The following CRYL1 variants were observed in gnomAD, a reference collection of about 807,000 sequenced individuals.
CRYL1 encodes the protein crystallin lambda 1.
CRYL1 carries 29 observed loss-of-function variants against 36.6 expected under a neutral mutation model. That is an observed-to-expected ratio of 0.79 (90% CI 0.59 to 1.08). The LOEUF (loss-of-function observed/expected upper bound fraction) is 1.08, where lower values mean the gene tolerates loss of function less well. Ranked by LOEUF, CRYL1 falls within the 50% of genes least tolerant of loss-of-function variation. CRYL1 has a pLI of 0.00. For synonymous variants in CRYL1, 152 were observed against 151.5 expected (o/e 1.00, Z -0.02); for missense variants, 411 against 407.9 (o/e 1.01, Z -0.06).
Position 20,519,550 on chromosome 13 carries a change from C to G in CRYL1, c.41+6204G>C, listed in dbSNP as rs1175725419. Among the ~76,000 whole-genome samples the G allele has an allele frequency of 2.1e-5, 3 of 141,958 alleles. No homozygotes were observed. The East Asian group carries it at 7.4e-4, about 35-fold the overall frequency. The allele number at this position is 141,958 out of a possible 152,430, so 93.1% of individuals were successfully genotyped here. On this transcript the variant is annotated intron_variant, in intron 1 of 7. Transcript: ENST00000298248. Reference sequence around the variant, plus strand: ...GGCTGAAGTAGGTACATGGCTTGCACCCAGGAGTTCAAGACCAGCCTGGGC... The same window carrying G: ...GGCTGAAGTAGGTACATGGCTTGCAGCCAGGAGTTCAAGACCAGCCTGGGC...
intron 2 of CRYL1, among the ~76,000 whole-genome samples, chr13:20,491,704 TC>T (rs2033516488): frequency 6.6e-6 from 1 of 152,072 alleles, no homozygotes; most frequent in Non-Finnish European, 1.5e-5. Context: ...GGTGGGAGAA[TC>T]ACTTGAGCCC....
rs572427202 is a variant in CRYL1, at chr13:20,525,787, G to A, written c.8C>T (p.Ser3Phe). 3.6e-5 allele frequency: 46 copies of A among 1,281,424 alleles called. 2 individuals carry two copies. The South Asian group carries it at 1.0e-3, about 28-fold the overall frequency. The allele number at this position is 1,281,424 out of a possible 1,614,324, so 79.4% of individuals were successfully genotyped here. A position where few individuals can be genotyped will look rare whatever the true frequency, so the allele number is the denominator to read the frequency against. Residue 3 changes from serine to phenylalanine, a missense_variant, in exon 1 of 8, where the codon TCC (serine) becomes TTC (phenylalanine). Ser to Phe is a radical substitution (Grantham distance 155, BLOSUM62 -2). Coordinates refer to ENST00000298248, the MANE Select transcript of CRYL1 (RefSeq NM_015974.3). The surrounding 1 kb of genome is among the most constrained non-coding windows in gnomAD (Gnocchi z 4.3). The part of the protein sequence containing the change: MA[S>F]SAAGCVVIVG... Reference sequence around the variant, plus strand: ...GATCACCACGCAGCCGGCCGCGGAGGACGCCATGGTTGGGCCGGGGACGCG... The same window carrying A: ...GATCACCACGCAGCCGGCCGCGGAGAACGCCATGGTTGGGCCGGGGACGCG...
At chr13:20,414,261 G>T (rs1463444642) in intron 5 of CRYL1, among the ~76,000 whole-genome samples, 18 of 147,988 alleles carry the variant, frequency 1.2e-4, no homozygotes, top group East Asian at 5.8e-4. Context: ...TTTTTTGTGT[G>T]TGTGTGTGTG....
At chr13:20,405,670 C>T (rs2031351079) in intron 6 of CRYL1, among the ~76,000 whole-genome samples, 1 of 152,180 alleles carries the variant, frequency 6.6e-6, no homozygotes, top group African/African-American at 2.4e-5. Context: ...ACGCTCCCCA[C>T]GCTCCTGCTG....
At position 20,481,514 on chromosome 13, in the gene CRYL1, C is replaced by T. The variant is rs557216849; in HGVS notation, c.276+7856G>A. Among the ~76,000 whole-genome samples the T allele has an allele frequency of 6.6e-6, 1 of 152,184 alleles. No homozygotes were observed. Among genetic ancestry groups the T allele is most frequent in the Non-Finnish European group, 1.5e-5 (1 of 68,038 alleles). The stretch of plus-strand genomic sequence containing the variant: ...GCTGTGACGCTGATTTCATACGTGA[C>T]TGTACGCATCTGTCAGACACATAGC... On this transcript the variant is annotated intron_variant, in intron 3 of 7. Coordinates refer to ENST00000298248, the MANE Select transcript of CRYL1 (RefSeq NM_015974.3). This position sits in a 1 kb window ranked among gnomAD's most constrained non-coding sequence, Gnocchi z 4.1.
At chr13:20,516,794 A>T (rs1391292955) in intron 1 of CRYL1, among the ~76,000 whole-genome samples, 1 of 152,122 alleles carries the variant, frequency 6.6e-6, no homozygotes, top group African/African-American at 2.4e-5. Flanking sequence ...GATAATTTTG[A>T]ACAGGCCTGG....
rs1056818084 is a variant in CRYL1 at position 20,481,795 on chromosome 13, C to T, written c.276+7575G>A. 3.9e-5 allele frequency among the ~76,000 whole-genome samples: 6 copies of T among 152,036 alleles called. No homozygotes were observed. Among genetic ancestry groups the T allele is most frequent in the African/African-American group, 1.4e-4 (6 of 41,380 alleles). On this transcript the variant is annotated intron_variant, in intron 3 of 7. Coordinates refer to ENST00000298248, the MANE Select transcript of CRYL1 (RefSeq NM_015974.3). This position sits in a 1 kb window ranked among gnomAD's most constrained non-coding sequence, Gnocchi z 4.1. ...GCATGGTGGTGGGCGCCTATAATCCCAGCTACTTGGGAGGCTGAGGTAGGA... is the reference window on the plus strand; with the variant it reads ...GCATGGTGGTGGGCGCCTATAATCCTAGCTACTTGGGAGGCTGAGGTAGGA...
At chr13:20,488,360 G>A (rs2033442007) in intron 3 of CRYL1, among the ~76,000 whole-genome samples, 1 of 152,278 alleles carries the variant, frequency 6.6e-6, no homozygotes, top group South Asian at 2.1e-4. Flanking sequence ...AGAGATAGAG[G>A]ATAATATATT....
intron 2 of CRYL1, among the ~76,000 whole-genome samples, chr13:20,507,126 G>A (rs969613316): frequency 6.6e-6 from 1 of 152,208 alleles, no homozygotes; most frequent in Non-Finnish European, 1.5e-5. Flanking sequence ...CGTGAACTAT[G>A]ACTCCATTAA....
intron 3 of CRYL1, among the ~76,000 whole-genome samples, chr13:20,488,885 G>A (rs2033452254): frequency 6.6e-6 from 1 of 152,222 alleles, no homozygotes; most frequent in South Asian, 2.1e-4. Context: ...TCATCCCGCT[G>A]TGCAAACAAC....
chr13:20,508,118 A>C (rs574445921), intron 2 of CRYL1, among the ~76,000 whole-genome samples: 2 of 152,178 alleles, frequency 1.3e-5, no homozygotes, highest in Non-Finnish European at 2.9e-5. Flanking sequence ...AATCCCAGCT[A>C]CTTGGGAGCC....
In CRYL1 at chr13:20,435,538, C is replaced by T. The variant is rs541287212; in HGVS notation, c.439-3242G>A. On this transcript the variant is annotated intron_variant, in intron 4 of 7. Coordinates refer to ENST00000298248, the MANE Select transcript of CRYL1 (RefSeq NM_015974.3). The surrounding 1 kb of genome is among the most constrained non-coding windows in gnomAD (Gnocchi z 4.0). Reference sequence around the variant, plus strand: ...AAGAGGTCAATCTTGTCAATAAGGTCGGGTGCCCCTTGAATTTACCACAGT... The same window carrying T: ...AAGAGGTCAATCTTGTCAATAAGGTTGGGTGCCCCTTGAATTTACCACAGT... Among the ~76,000 whole-genome samples, 160 of 152,300 alleles carry T rather than the reference C, an allele frequency of 1.1e-3. No homozygotes were observed. The highest frequency in any genetic ancestry group is 1.8e-3 in the Non-Finnish European group (124 of 68,026).
intron 3 of CRYL1, among the ~76,000 whole-genome samples, chr13:20,478,350 GA>G (rs944627341): frequency 6.4e-4 from 97 of 152,250 alleles, no homozygotes; most frequent in African/African-American, 2.3e-3. Context: ...TTTTAAAGCA[GA>G]AGGGACAATT....
At chr13:20,407,814 C>G (rs1205084046) in intron 6 of CRYL1, among the ~76,000 whole-genome samples, 1 of 152,198 alleles carries the variant, frequency 6.6e-6, no homozygotes, top group African/African-American at 2.4e-5. Context: ...TTCTAACTTG[C>G]GAGCCTTGGG....
At chr13:20,511,612 A>G (rs9315651) in intron 2 of CRYL1, among the ~76,000 whole-genome samples, 11 of 152,052 alleles carry the variant, frequency 7.2e-5, no homozygotes, top group Non-Finnish European at 1.6e-4. Context: ...TTGCACAAAA[A>G]TGCAAATTCA....
intron 1 of CRYL1, among the ~76,000 whole-genome samples, chr13:20,524,262 G>A (rs551127744): frequency 2.0e-5 from 3 of 152,164 alleles, no homozygotes; most frequent in Non-Finnish European, 2.9e-5. Context: ...GCACGCATGC[G>A]TGTAAAAACT....
At chr13:20,473,233 A>C (rs2033096941) in intron 3 of CRYL1, among the ~76,000 whole-genome samples, 1 of 152,264 alleles carries the variant, frequency 6.6e-6, no homozygotes, top group Non-Finnish European at 1.5e-5. Context: ...CACGAACAGG[A>C]GCCGGCAGGA....
At chr13:20,452,709 G>GT (rs1168206479) in intron 3 of CRYL1, among the ~76,000 whole-genome samples, 1 of 152,160 alleles carries the variant, frequency 6.6e-6, no homozygotes, top group Non-Finnish European at 1.5e-5. Context: ...TGGACTTTGG[G>GT]TGATTAATAT....
chr13:20,485,930 T>TTTGC (rs2033389497), intron 3 of CRYL1, among the ~76,000 whole-genome samples: 1 of 151,942 alleles, frequency 6.6e-6, no homozygotes, highest in Non-Finnish European at 1.5e-5. Flanking sequence ...TGTTTGTTTG[T>TTTGC]TTTTTGAGAT....
Sources: allele counts gnomAD v4.1 joint callset (sites outside exome capture counted in the v4.1 genomes callset), GRCh38; gene constraint gnomAD v4.1.1; non-coding constraint Gnocchi (gnomAD v3.1); transcripts MANE v1.5; gene names NCBI Gene and HGNC (gene_info 2026-07-23, HGNC 2026-07-21).